The following DIP2B variants were observed in gnomAD, a reference collection of about 807,000 sequenced individuals.
The protein encoded by DIP2B is disco-interacting protein 2 homolog B.
A neutral mutation model predicts 198.0 loss-of-function variants in DIP2B; 76 were observed. The ratio of observed to expected loss-of-function variants is 0.38; its 90% confidence interval spans 0.32 to 0.46. DIP2B has a LOEUF of 0.46. Ranked by LOEUF, DIP2B falls within the 20% of genes least tolerant of loss-of-function variation. The pLI is 0.99. For synonymous variants in DIP2B, 701 were observed against 739.1 expected (o/e 0.95, Z 0.84); for missense variants, 1,559 against 1,978.4 (o/e 0.79, Z 4.02).
intron 3 of DIP2B, among the ~76,000 whole-genome samples, chr12:50,659,086 C>T (rs1938602007): frequency 6.6e-6 from 1 of 151,448 alleles, no homozygotes; most frequent in African/African-American, 2.4e-5. Flanking sequence ...CACTCCATCT[C>T]AAAAAAAACA....
intron 2 of DIP2B, among the ~76,000 whole-genome samples, chr12:50,628,941 T>G (rs962179445): frequency 1.6e-4 from 24 of 152,244 alleles, no homozygotes; most frequent in African/African-American, 5.5e-4. Context: ...TGCAGTGGTG[T>G]GATCTGGGTT....
intron 1 of DIP2B, among the ~76,000 whole-genome samples, chr12:50,584,742 T>G (rs1241272930): frequency 1.3e-5 from 2 of 152,122 alleles, no homozygotes; most frequent in African/African-American, 4.8e-5. Flanking sequence ...TTTTGTATTT[T>G]TAGTAGAGAT....
intron 25 of DIP2B, 61 bp downstream of exon 25, chr12:50,719,096 CTT>C: frequency 2.0e-6 from 3 of 1,526,784 alleles, no homozygotes; most frequent in South Asian, 1.2e-5. Context: ...CTTAGGCACT[CTT>C]GATCTCTTTC....
intron 1 of DIP2B, among the ~76,000 whole-genome samples, chr12:50,609,586 C>G (rs927485097): frequency 5.9e-5 from 9 of 152,200 alleles, no homozygotes; most frequent in African/African-American, 2.2e-4. Flanking sequence ...GAAGATACAC[C>G]CATTCCATTT....
At chr12:50,632,466 A>G (rs1366600309) in intron 2 of DIP2B, among the ~76,000 whole-genome samples, 1 of 125,052 alleles carries the variant, frequency 8.0e-6, no homozygotes, top group African/African-American at 3.1e-5. Context: ...GTGACACAGC[A>G]AGACTCTGTC....
intron 1 of DIP2B, among the ~76,000 whole-genome samples, chr12:50,556,069 C>T (rs1159387635): frequency 6.6e-6 from 1 of 151,770 alleles, no homozygotes; most frequent in African/African-American, 2.4e-5. Context: ...TTTTTTTCCC[C>T]CCAAGATGGA....
At chr12:50,619,934 C>G (rs1937776156) in intron 1 of DIP2B, among the ~76,000 whole-genome samples, 1 of 151,970 alleles carries the variant, frequency 6.6e-6, no homozygotes, top group Non-Finnish European at 1.5e-5. Context: ...GATAGCACAC[C>G]CATCTGGTCC....
intron 3 of DIP2B, among the ~76,000 whole-genome samples, chr12:50,655,729 C>G (rs1453669482): frequency 6.6e-6 from 1 of 152,208 alleles, no homozygotes; most frequent in African/African-American, 2.4e-5. Flanking sequence ...CCCATAATCC[C>G]AGCACTTTGG....
chr12:50,744,148 C>CAT, intron 37 of DIP2B, among the ~76,000 whole-genome samples: 1 of 152,158 alleles, frequency 6.6e-6, no homozygotes. Flanking sequence ...ACTACGGGTG[C>CAT]TCACCACCAA....
At chr12:50,532,542 G>C (rs1009269391) in intron 1 of DIP2B, among the ~76,000 whole-genome samples, 15 of 152,022 alleles carry the variant, frequency 9.9e-5, no homozygotes, top group African/African-American at 3.4e-4. Flanking sequence ...AAAAATAAGA[G>C]TGTAATATAT....
chr12:50,513,114 C>T (rs1160539994), intron 1 of DIP2B, among the ~76,000 whole-genome samples: 1 of 152,198 alleles, frequency 6.6e-6, no homozygotes, highest in Non-Finnish European at 1.5e-5. Context: ...GCACTCAGCA[C>T]ATGTAATCTT....
chr12:50,544,864 G>T (rs909348325), intron 1 of DIP2B, among the ~76,000 whole-genome samples: 11 of 151,940 alleles, frequency 7.2e-5, no homozygotes, highest in Non-Finnish European at 1.5e-4. Flanking sequence ...TGATCTGCCC[G>T]CCTTGGCCTC....
At chr12:50,709,521 C>T (rs370662841) in intron 22 of DIP2B, among the ~76,000 whole-genome samples, 6 of 152,050 alleles carry the variant, frequency 3.9e-5, no homozygotes, top group South Asian at 2.1e-4. Flanking sequence ...ATCTGTAGTC[C>T]CAGCTACTCG....
intron 1 of DIP2B, among the ~76,000 whole-genome samples, chr12:50,542,431 AT>A (rs1179851826): frequency 2.0e-5 from 3 of 152,124 alleles, no homozygotes; most frequent in African/African-American, 7.2e-5. Context: ...AAAGGAAAAG[AT>A]TTGATATTCC....
chr12:50,727,744 C>T lies in DIP2B; in HGVS notation c.3442C>T (p.Pro1148Ser). The T allele has an allele frequency of 1.2e-6, 2 of 1,614,202 alleles. No homozygotes were observed. The highest frequency in any genetic ancestry group is 1.7e-6 in the Non-Finnish European group (2 of 1,180,034). Residue 1148 changes from proline (P) to serine (S), a missense_variant, in exon 29 of 38, where the codon CCC (proline) becomes TCC (serine). Transcript: ENST00000301180. ...AAGGTTACCTCAGCTGTATAAACCG[C>T]CCACTCCTGAGATGTTGGCATATCT... Reference protein sequence around the residue: ...RKRLPQLYKPPTPEMLAYLDF... With the variant: ...RKRLPQLYKPSTPEMLAYLDF...
chr12:50,594,282 A>C (rs921388865), intron 1 of DIP2B, among the ~76,000 whole-genome samples: 18 of 152,068 alleles, frequency 1.2e-4, no homozygotes, highest in Non-Finnish European at 2.4e-4. Context: ...TCAAAGCCCA[A>C]CCAACCCTTC....
chr12:50,718,519 T>C (rs1939775697), intron 23 of DIP2B, among the ~76,000 whole-genome samples, 190 bp from the exon 24 acceptor site: 1 of 152,218 alleles, frequency 6.6e-6, no homozygotes, highest in African/African-American at 2.4e-5. Context: ...TGTGTATGTA[T>C]TTCTTGGTTA....
chr12:50,730,360 GTTTC>G (rs1414866275), intron 30 of DIP2B, among the ~76,000 whole-genome samples: 6 of 125,402 alleles, frequency 4.8e-5, no homozygotes, highest in African/African-American at 1.3e-4. Flanking sequence ...TTCTTTTTTT[GTTTC>G]TTTCTTTCTC....
intron 4 of DIP2B, among the ~76,000 whole-genome samples, chr12:50,663,822 A>T: frequency 6.7e-6 from 1 of 149,598 alleles, no homozygotes; most frequent in East Asian, 2.0e-4. Flanking sequence ...GTGAGCCGAG[A>T]TCAATCAACC....
Sources: gnomAD v4.1 joint callset for allele counts (sites outside exome capture counted in the v4.1 genomes callset) on GRCh38, gnomAD v4.1.1 for gene constraint, MANE v1.5 for transcripts, NCBI Gene and HGNC (gene_info 2026-07-23, HGNC 2026-07-21) for gene names.